Variants in DOCK1 observed in about 807,000 individuals in gnomAD.
DOCK1 encodes dedicator of cytokinesis 1.
A neutral mutation model predicts 262.7 loss-of-function variants in DOCK1; 138 were observed. The ratio of observed to expected loss-of-function variants is 0.53; its 90% CI spans 0.46 to 0.61. The LOEUF is 0.61. Among genes scored for constraint, DOCK1 ranks in the 20% least tolerant of loss-of-function variants. The probability of loss-of-function intolerance (pLI) is 0.00; values close to 1 mark genes in which losing one functional copy is unlikely to be tolerated. For synonymous variants in DOCK1, 866 were observed against 867.4 expected, an observed-to-expected ratio of 1.00 and a Z score of 0.03; for missense variants, 1,908 against 2,370.7, an observed-to-expected ratio of 0.80 and a Z score of 4.05.
intron 27 of DOCK1, among the ~76,000 whole-genome samples, chr10:127,217,422 T>TA (rs2058261153): frequency 6.6e-6 from 1 of 152,228 alleles, no homozygotes; most frequent in Non-Finnish European, 1.5e-5. Flanking sequence ...GCCTATCATG[T>TA]GTATTGGCAG....
rs573618256 is a variant in DOCK1, at chr10:127,451,541, G to A, written c.*114G>A. ...ATTGGGCCTGTGATGTTAACATTTC[G>A]TGCGACTGCTTTTTCTTCAAAGGAG... On this transcript the variant is annotated 3_prime_UTR_variant, in exon 52 of 52. Coordinates refer to ENST00000623213, the MANE Select transcript of DOCK1 (RefSeq NM_001290223.2). The A allele has an allele frequency of 1.8e-4, 274 of 1,521,994 alleles. No homozygotes were observed. The highest frequency in any genetic ancestry group is 6.8e-4 in the Middle Eastern group (4 of 5,884). The allele number at this position is 1,521,994 out of a possible 1,614,324, so 94.3% of individuals were successfully genotyped here. A position where few individuals can be genotyped will look rare whatever the true frequency, so the allele number is the denominator to read the frequency against.
intron 23 of DOCK1, among the ~76,000 whole-genome samples, chr10:127,105,780 G>C (rs2048493759): frequency 6.6e-6 from 1 of 152,102 alleles, no homozygotes; most frequent in Non-Finnish European, 1.5e-5. Flanking sequence ...TCTTTTTTGA[G>C]ACAGGATCTT....
intron 39 of DOCK1, among the ~76,000 whole-genome samples, chr10:127,403,949 C>T (rs971506785): frequency 6.6e-6 from 1 of 152,140 alleles, no homozygotes; most frequent in Non-Finnish European, 1.5e-5. Flanking sequence ...GATTCTGTTC[C>T]TTTAAATTCT....
intron 22 of DOCK1, among the ~76,000 whole-genome samples, chr10:127,053,307 A>G (rs1243561274): frequency 6.6e-6 from 1 of 152,200 alleles, no homozygotes; most frequent in Non-Finnish European, 1.5e-5. Flanking sequence ...GCGCCACTGC[A>G]CTCCAGCCTG....
chr10:127,361,599 A>G (rs1437943323), intron 32 of DOCK1, among the ~76,000 whole-genome samples: 1 of 152,140 alleles, frequency 6.6e-6, no homozygotes, highest in African/African-American at 2.4e-5. Flanking sequence ...ACTCATCTTC[A>G]TAAGATGTGG....
chr10:127,036,043 T>TAAATAAATAAATA (rs1554870785), intron 18 of DOCK1, among the ~76,000 whole-genome samples: 1 of 147,562 alleles, frequency 6.8e-6, no homozygotes, highest in Admixed American at 6.8e-5. Context: ...AATAAATAAA[T>TAAATAAATAAATA]AAAAAAGAGT....
chr10:127,320,164 C>T (rs1372047773), intron 29 of DOCK1, among the ~76,000 whole-genome samples: 1 of 151,800 alleles, frequency 6.6e-6, no homozygotes, highest in Non-Finnish European at 1.5e-5. Flanking sequence ...CTTCTGGGGC[C>T]TGGCCTTGCA....
chr10:126,926,174 C>T (rs1326723211), intron 1 of DOCK1, among the ~76,000 whole-genome samples: 1 of 152,020 alleles, frequency 6.6e-6, no homozygotes, highest in Admixed American at 6.6e-5. Flanking sequence ...GGAGTACCAT[C>T]GGGGCACCAT....
At chr10:127,160,943 C>T (rs2053544289) in intron 27 of DOCK1, among the ~76,000 whole-genome samples, 1 of 152,178 alleles carries the variant, frequency 6.6e-6, no homozygotes, top group Non-Finnish European at 1.5e-5. Context: ...GGCTTTTTCA[C>T]TTAATAGTCT....
At chr10:127,292,161 A>G (rs917746038) in intron 29 of DOCK1, among the ~76,000 whole-genome samples, 2 of 152,226 alleles carry the variant, frequency 1.3e-5, no homozygotes, top group African/African-American at 2.4e-5. Context: ...TTGCACTTCC[A>G]GTATGACCAC....
chr10:127,316,300 T>C (rs1019947659), intron 29 of DOCK1, among the ~76,000 whole-genome samples: 4 of 152,184 alleles, frequency 2.6e-5, no homozygotes, highest in African/African-American at 4.8e-5. Flanking sequence ...GTTTAACTTA[T>C]ATCTGCCCAT....
chr10:126,920,694 C>A (rs1239184626), intron 1 of DOCK1, among the ~76,000 whole-genome samples: 2 of 152,138 alleles, frequency 1.3e-5, no homozygotes, highest in Non-Finnish European at 2.9e-5. Flanking sequence ...GTTTTGCAGG[C>A]CAAGAGGCAA....
chr10:127,000,467 C>A, intron 10 of DOCK1, 160 bp downstream of exon 10: 1 of 1,097,168 alleles, frequency 9.1e-7, no homozygotes, highest in Non-Finnish European at 1.3e-6. Flanking sequence ...ATTGTGGCTT[C>A]AAGTTGACCT....
chr10:126,954,842 G>C (rs910418880), intron 1 of DOCK1, among the ~76,000 whole-genome samples: 1 of 152,050 alleles, frequency 6.6e-6, no homozygotes, highest in Non-Finnish European at 1.5e-5. Flanking sequence ...TAGACATTTG[G>C]GTTGCTTCTG....
chr10:127,003,722 G>A (rs115721841), intron 10 of DOCK1, among the ~76,000 whole-genome samples: 3,468 of 152,230 alleles, frequency 0.023, 141 homozygotes, highest in African/African-American at 0.079. Flanking sequence ...GGGAAGTTGA[G>A]GTGGGCAGAT....
intron 49 of DOCK1, among the ~76,000 whole-genome samples, chr10:127,441,500 T>G (rs1415395007): frequency 6.6e-6 from 1 of 152,204 alleles, no homozygotes; most frequent in Non-Finnish European, 1.5e-5. Context: ...CCCAGCAACC[T>G]GTCTGTCTAC....
At chr10:127,156,407 C>T (rs2053049200) in intron 27 of DOCK1, among the ~76,000 whole-genome samples, 1 of 152,144 alleles carries the variant, frequency 6.6e-6, no homozygotes, top group Admixed American at 6.5e-5. Flanking sequence ...ATGAACCTGA[C>T]AATGAGAGGA....
chr10:127,309,040 T>C (rs1402185430), intron 29 of DOCK1, among the ~76,000 whole-genome samples: 1 of 152,214 alleles, frequency 6.6e-6, no homozygotes, highest in East Asian at 1.9e-4. Flanking sequence ...TGAACAAATT[T>C]ATATTCCCAC....
chr10:127,141,678 A>G (rs1427682085), intron 27 of DOCK1, among the ~76,000 whole-genome samples: 2 of 147,136 alleles, frequency 1.4e-5, no homozygotes, highest in Non-Finnish European at 1.5e-5. Flanking sequence ...CTTTAAAACA[A>G]AAAAAAAAAA....
Sources: gnomAD v4.1 joint callset for allele counts (sites outside exome capture counted in the v4.1 genomes callset) on GRCh38, gnomAD v4.1.1 for gene constraint, MANE v1.5 for transcripts, NCBI Gene and HGNC (gene_info 2026-07-23, HGNC 2026-07-21) for gene names.